CCSER1: variants seen among roughly 807,000 people sequenced by gnomAD.
The protein encoded by CCSER1 is serine-rich coiled-coil domain-containing protein 1.
In CCSER1, 41 loss-of-function variants were observed where a neutral mutation model predicts 82.0. The observed-to-expected ratio is 0.50, with a 90% CI of 0.39 to 0.65. The LOEUF (loss-of-function observed/expected upper bound fraction) is 0.65. Ranked by LOEUF, CCSER1 falls within the 30% of genes least tolerant of loss-of-function variation. The pLI is 0.00. For missense variants in CCSER1, 1,119 were observed against 1,064.2 expected, an observed-to-expected ratio of 1.05 and a Z score of -0.72; for synonymous variants, 414 against 383.9, an observed-to-expected ratio of 1.08 and a Z score of -0.92.
intron 3 of CCSER1, among the ~76,000 whole-genome samples, chr4:90,393,546 T>TA (rs1445492135): frequency 1.3e-5 from 2 of 152,170 alleles, no homozygotes; most frequent in South Asian, 2.1e-4. Context: ...AAATATAAAA[T>TA]AAAAAACCAC....
intron 10 of CCSER1, among the ~76,000 whole-genome samples, chr4:91,474,476 CATTCT>C (rs1172100046): frequency 1.3e-5 from 2 of 151,140 alleles, no homozygotes; most frequent in South Asian, 2.1e-4. Flanking sequence ...TAATTCAAAT[CATTCT>C]ATTCTATTCT....
intron 10 of CCSER1, among the ~76,000 whole-genome samples, chr4:91,297,545 C>A (rs1189696354): frequency 1.3e-5 from 2 of 151,704 alleles, no homozygotes; most frequent in Non-Finnish European, 2.9e-5. Flanking sequence ...GTAGAATAAG[C>A]AATTTCAGAC....
chr4:91,225,926 G>A (rs188057337), intron 10 of CCSER1, among the ~76,000 whole-genome samples: 21 of 152,076 alleles, frequency 1.4e-4, no homozygotes, highest in African/African-American at 4.8e-4. Flanking sequence ...TGCCACAAAA[G>A]GGAGGTAACA....
chr4:90,362,084 G>A (rs908332550), intron 3 of CCSER1, among the ~76,000 whole-genome samples: 6 of 152,118 alleles, frequency 3.9e-5, no homozygotes, highest in African/African-American at 1.4e-4. Flanking sequence ...ATGAAAATTA[G>A]GGCTCAGAGA....
chr4:90,351,990 A>G (rs1225320297), intron 3 of CCSER1, among the ~76,000 whole-genome samples: 4 of 152,160 alleles, frequency 2.6e-5, no homozygotes, highest in Admixed American at 6.5e-5. Flanking sequence ...ATAATTTATG[A>G]GCAGTGTATC....
intron 1 of CCSER1, among the ~76,000 whole-genome samples, chr4:90,172,408 A>G (rs1441893266): frequency 6.6e-6 from 1 of 151,878 alleles, no homozygotes; most frequent in African/African-American, 2.4e-5. Flanking sequence ...TTGTCAGTTT[A>G]CCGTAGAAAG....
At chr4:90,624,757 A>C (rs1018021048) in intron 5 of CCSER1, among the ~76,000 whole-genome samples, 2 of 152,184 alleles carry the variant, frequency 1.3e-5, no homozygotes, top group East Asian at 3.9e-4. Flanking sequence ...GGACTTAGAA[A>C]AGTCTGTATG....
At chr4:90,852,080 C>A (rs1763954000) in intron 8 of CCSER1, among the ~76,000 whole-genome samples, 1 of 151,754 alleles carries the variant, frequency 6.6e-6, no homozygotes, top group Non-Finnish European at 1.5e-5. Context: ...TTTAGATAAT[C>A]CAGCATTAGC....
At chr4:91,335,148 G>C (rs1011286107) in intron 10 of CCSER1, among the ~76,000 whole-genome samples, 1 of 151,966 alleles carries the variant, frequency 6.6e-6, no homozygotes, top group East Asian at 1.9e-4. Context: ...TAGATTGTTC[G>C]TGTTGTCAGC....
chr4:91,217,865 A>G (rs1581788957), intron 10 of CCSER1, among the ~76,000 whole-genome samples: 1 of 151,962 alleles, frequency 6.6e-6, no homozygotes, highest in South Asian at 2.1e-4. Flanking sequence ...AGATATAAAG[A>G]CTCTCCACTC....
rs186036488 is a variant in CCSER1 at position 90,223,023 on chromosome 4, G to A, written c.-41-85221G>A. ...CAGTTTTTCACATATATAGGTTCAC[G>A]CATCCATCACCACAGTCAAGATGCT... On this transcript the variant is annotated intron_variant, in intron 1 of 10. Coordinates refer to ENST00000509176, the MANE Select transcript of CCSER1 (RefSeq NM_001145065.2). Among the ~76,000 whole-genome samples, 25 of 152,144 alleles carry A rather than the reference G, an allele frequency of 1.6e-4. No individual in the cohort carries two copies. The East Asian group carries it at 4.4e-3, about 27-fold the overall frequency.
At chr4:90,798,620 G>A (rs571353102) in intron 7 of CCSER1, among the ~76,000 whole-genome samples, 3 of 152,266 alleles carry the variant, frequency 2.0e-5, no homozygotes, top group East Asian at 3.9e-4. Context: ...TCTACCTTCA[G>A]TGTTTGATAT....
intron 10 of CCSER1, among the ~76,000 whole-genome samples, chr4:91,395,510 T>C (rs746317484): frequency 6.6e-6 from 1 of 152,052 alleles, no homozygotes; most frequent in Non-Finnish European, 1.5e-5. Flanking sequence ...CTGAGGTGTG[T>C]CTGAGGAGAT....
intron 5 of CCSER1, among the ~76,000 whole-genome samples, chr4:90,469,376 T>A (rs1764049164): frequency 6.6e-6 from 1 of 152,152 alleles, no homozygotes; most frequent in Non-Finnish European, 1.5e-5. Flanking sequence ...TTTAATTCAG[T>A]TTTAATACAA....
At chr4:90,828,325 G>T (rs1760729813) in intron 8 of CCSER1, among the ~76,000 whole-genome samples, 1 of 152,134 alleles carries the variant, frequency 6.6e-6, no homozygotes, top group South Asian at 2.1e-4. Flanking sequence ...TATAACATGT[G>T]TGAATGCAAT....
chr4:91,587,393 A>G (rs934309563), intron 10 of CCSER1, among the ~76,000 whole-genome samples: 9 of 151,818 alleles, frequency 5.9e-5, no homozygotes, highest in South Asian at 4.1e-4. Flanking sequence ...TCCTAAGCCA[A>G]TATCTTATTA....
intron 5 of CCSER1, among the ~76,000 whole-genome samples, chr4:90,612,671 G>A (rs1423282415): frequency 2.6e-5 from 4 of 152,082 alleles, no homozygotes; most frequent in Admixed American, 2.6e-4. Context: ...GAAACTTGTA[G>A]ACAGAATATA....
intron 1 of CCSER1, among the ~76,000 whole-genome samples, chr4:90,141,652 G>C (rs1365593481): frequency 6.6e-6 from 1 of 152,210 alleles, no homozygotes; most frequent in African/African-American, 2.4e-5. Context: ...TAGTGGAAGA[G>C]CCACAAGTGT....
At chr4:90,875,428 G>T (rs947270600) in intron 8 of CCSER1, among the ~76,000 whole-genome samples, 1 of 152,092 alleles carries the variant, frequency 6.6e-6, no homozygotes, top group African/African-American at 2.4e-5. Flanking sequence ...TCTGACACAT[G>T]AGAACAAATG....
Sources: gnomAD v4.1 joint callset for allele counts (sites outside exome capture counted in the v4.1 genomes callset) on GRCh38, gnomAD v4.1.1 for gene constraint, MANE v1.5 for transcripts, NCBI Gene and HGNC (gene_info 2026-07-23, HGNC 2026-07-21) for gene names.